Variants in NUCB1 observed in about 807,000 individuals in gnomAD.
NUCB1 encodes the protein nucleobindin 1, also known as nucleobindin-1.
A neutral mutation model predicts 61.2 loss-of-function variants in NUCB1; 47 were observed. That is an observed-to-expected ratio of 0.77 (90% confidence interval 0.61 to 0.98). The LOEUF (loss-of-function observed/expected upper bound fraction) is 0.98, where lower values mean the gene tolerates loss of function less well. NUCB1 is among the 50% of genes least tolerant of loss of function. NUCB1 has a pLI of 0.00. For missense variants in NUCB1, 583 were observed against 605.3 expected (o/e 0.96, Z 0.39); for synonymous variants, 234 against 243.1 (o/e 0.96, Z 0.35).
intron 7 of NUCB1, among the ~76,000 whole-genome samples, chr19:48,915,888 A>G (rs1048630083): frequency 1.3e-5 from 2 of 151,912 alleles, no homozygotes; most frequent in East Asian, 1.9e-4. Context: ...GCCTCAAACA[A>G]TCCTCCTGCC....
At chr19:48,916,280 A>G (rs1022684113) in intron 7 of NUCB1, among the ~76,000 whole-genome samples, 1 of 152,038 alleles carries the variant, frequency 6.6e-6, no homozygotes, top group Non-Finnish European at 1.5e-5. Context: ...CAATTGCCCC[A>G]TGTGGCTAGT....
At position 48,918,753 on chromosome 19, in the gene NUCB1, A is replaced by C; in HGVS notation, c.785A>C (p.Glu262Ala). 1 of 1,614,010 alleles carries C rather than the reference A, an allele frequency of 6.2e-7. No homozygotes were observed. Among genetic ancestry groups the C allele is most frequent in the Non-Finnish European group, 8.5e-7 (1 of 1,179,918 alleles). Residue 262 changes from glutamate (E) to alanine (A), a missense_variant, in exon 8 of 13, where the codon GAG becomes GCG. Glu to Ala is a moderately radical substitution (Grantham distance 107, BLOSUM62 -1). Transcript: ENST00000405315. The part of the protein sequence containing the change: ...HDINSDGVLD[E>A]QELEALFTKE... ...ATCAACAGTGATGGTGTCCTGGATG[A>C]GCAGGAGCTGGAGGCACTCTTCACC...
chr19:48,903,426 GTGGATGAGTGGATGGA>G (rs1568583057), intron 2 of NUCB1, among the ~76,000 whole-genome samples: 556 of 111,308 alleles, frequency 5.0e-3, no homozygotes, highest in African/African-American at 9.4e-3. Flanking sequence ...GGATGGGTGG[GTGGATGAGTGGATGGA>G]TGGATGGATG....
intron 10 of NUCB1, 88 bp downstream of exon 10, chr19:48,919,374 C>G (rs112127698): frequency 1.0e-6 from 1 of 956,466 alleles, no homozygotes; most frequent in African/African-American, 1.6e-5. Context: ...CCTTCTCTTT[C>G]TCTCTGGGTC....
At chr19:48,912,565 A>G (rs999603251) in intron 5 of NUCB1, among the ~76,000 whole-genome samples, 2 of 152,032 alleles carry the variant, frequency 1.3e-5, no homozygotes, top group Admixed American at 6.6e-5. Context: ...GCTGTGCGCG[A>G]TGGCTCACGC....
chr19:48,902,259 C>T (rs1306311047), intron 2 of NUCB1, among the ~76,000 whole-genome samples: 1 of 151,052 alleles, frequency 6.6e-6, no homozygotes, highest in African/African-American at 2.4e-5. Context: ...TACAGGCGCA[C>T]ACCACCACGC....
chr19:48,916,120 G>A (rs2037537087), intron 7 of NUCB1, among the ~76,000 whole-genome samples: 1 of 151,708 alleles, frequency 6.6e-6, no homozygotes, highest in Admixed American at 6.6e-5. Flanking sequence ...CTGTCTCTAT[G>A]ATTTTGACTA....
intron 7 of NUCB1, among the ~76,000 whole-genome samples, chr19:48,916,572 A>G (rs2037542172): frequency 6.7e-6 from 1 of 150,264 alleles, no homozygotes; most frequent in Non-Finnish European, 1.5e-5. Context: ...GTGAGCTATG[A>G]TCATACCAGT....
intron 12 of NUCB1, among the ~76,000 whole-genome samples, 163 bp downstream of exon 12, chr19:48,922,095 AGGGAGGAGGG>A (rs2037616687): frequency 7.1e-6 from 1 of 140,812 alleles, no homozygotes; most frequent in Admixed American, 7.1e-5. Context: ...CCTGGGTCTG[AGGGAGGAGGG>A]GCTGGGGGCT....
chr19:48,914,970 C>T (rs865844368), intron 7 of NUCB1, among the ~76,000 whole-genome samples: 1 of 152,076 alleles, frequency 6.6e-6, no homozygotes, highest in Middle Eastern at 3.4e-3. Flanking sequence ...ATCCCAGCTA[C>T]TCAGGAGGCT....
Position 48,913,569 on chromosome 19 carries a change from G to A in NUCB1, c.757+5G>A. On this transcript the variant is annotated splice_donor_5th_base_variant and intron_variant, in intron 7 of 12. Coordinates refer to ENST00000405315, the MANE Select transcript of NUCB1 (RefSeq NM_006184.6). ...AGACCTTCTTCATACTGCATGGTAA[G>A]GTGGGGAGGGAGTTCCAGAGCCAGG... 1 of 1,611,464 alleles carries A rather than the reference G, an allele frequency of 6.2e-7. No homozygotes were observed. Among genetic ancestry groups the A allele is most frequent in the Non-Finnish European group, 8.5e-7 (1 of 1,177,636 alleles).
intron 8 of NUCB1, 37 bp downstream of exon 8, chr19:48,918,821 G>C (rs766309729): frequency 6.4e-7 from 1 of 1,568,536 alleles, no homozygotes; most frequent in Non-Finnish European, 8.8e-7. Flanking sequence ...CTGGAGGGAC[G>C]CCCAAATCAG....
intron 4 of NUCB1, among the ~76,000 whole-genome samples, chr19:48,907,832 G>A (rs970539895): frequency 6.6e-6 from 1 of 151,956 alleles, no homozygotes; most frequent in Admixed American, 6.6e-5. Context: ...GCCCAACCCT[G>A]CCCTTCCCGT....
intron 5 of NUCB1, among the ~76,000 whole-genome samples, chr19:48,912,564 G>A (rs902615212): frequency 6.6e-6 from 1 of 152,090 alleles, no homozygotes; most frequent in Admixed American, 6.6e-5. Context: ...GGCTGTGCGC[G>A]ATGGCTCACG....
chr19:48,914,784 T>TA (rs113973943), intron 7 of NUCB1, among the ~76,000 whole-genome samples: 6,081 of 146,576 alleles, frequency 0.041, 384 homozygotes, highest in African/African-American at 0.14. Context: ...TGTCTCTATT[T>TA]AAAAAAAAAA....
At chr19:48,918,501 T>G (rs990516382) in intron 7 of NUCB1, 15 of 551,372 alleles carry the variant, frequency 2.7e-5, no homozygotes, top group African/African-American at 5.7e-5. Flanking sequence ...CCTCGAACCC[T>G]CCCTTTGATC....
At chr19:48,916,643 C>G (rs1346576791) in intron 7 of NUCB1, among the ~76,000 whole-genome samples, 1 of 149,110 alleles carries the variant, frequency 6.7e-6, no homozygotes, top group Non-Finnish European at 1.5e-5. Flanking sequence ...ATAGGCTGGG[C>G]TCAGTGGCTC....
At chr19:48,911,400 CT>C (rs1230222506) in intron 5 of NUCB1, 148 bp downstream of exon 5, 3 of 397,198 alleles carry the variant, frequency 7.6e-6, no homozygotes, top group African/African-American at 4.6e-5. Context: ...CGTTTCTTTT[CT>C]TTTCTTTTTT....
intron 4 of NUCB1, chr19:48,910,930 T>C: frequency 2.2e-6 from 1 of 459,032 alleles, no homozygotes; most frequent in South Asian, 2.4e-5. Flanking sequence ...ATCTAGTAAG[T>C]AGGCACTACA....
Sources: gnomAD v4.1 joint callset for allele counts (sites outside exome capture counted in the v4.1 genomes callset) on GRCh38, gnomAD v4.1.1 for gene constraint, MANE v1.5 for transcripts, NCBI Gene and HGNC (gene_info 2026-07-23, HGNC 2026-07-21) for gene names.